Variants in TMPRSS12 observed in about 807,000 individuals in gnomAD.
The protein encoded by TMPRSS12 is transmembrane protease serine 12.
In TMPRSS12, 25 loss-of-function variants were observed where a neutral mutation model predicts 26.0. The observed-to-expected ratio is 0.96, with a 90% confidence interval of 0.70 to 1.34. TMPRSS12 has a LOEUF of 1.34. Ranked by LOEUF, TMPRSS12 falls within the 40% of genes most tolerant of loss-of-function variation. TMPRSS12 has a pLI of 0.00. For missense variants in TMPRSS12, 441 were observed against 440.1 expected, an observed-to-expected ratio of 1.00 and a Z score of -0.02; for synonymous variants, 150 against 161.7, an observed-to-expected ratio of 0.93 and a Z score of 0.55.
In TMPRSS12 at chr12:50,851,271, C is replaced by T. The variant is rs117578679; in HGVS notation, c.383+7234C>T. On this transcript the variant is annotated intron_variant, in intron 2 of 4. Transcript: ENST00000398458. Reference sequence around the variant, plus strand: ...ATGGCAATGAAGATAAACAAGATTCCAGAGAAATCTGAAACCCAATCCAAG... The same window carrying T: ...ATGGCAATGAAGATAAACAAGATTCTAGAGAAATCTGAAACCCAATCCAAG... Among the ~76,000 whole-genome samples, 332 of 152,100 alleles carry T rather than the reference C, an allele frequency of 2.2e-3. 1 individual carries two copies. In the East Asian group the frequency reaches 0.025, roughly 11 times the overall value.
chr12:50,865,658 G>A (rs1395646173), intron 3 of TMPRSS12, among the ~76,000 whole-genome samples: 7 of 149,328 alleles, frequency 4.7e-5, no homozygotes, highest in Non-Finnish European at 8.9e-5. Flanking sequence ...AAAACAAAAC[G>A]TAATCCCCTT....
chr12:50,869,045 T>C (rs548148729), intron 3 of TMPRSS12, among the ~76,000 whole-genome samples: 2 of 151,734 alleles, frequency 1.3e-5, no homozygotes, highest in African/African-American at 2.4e-5. Flanking sequence ...ATCAAAAAGA[T>C]TGAAAGGACA....
In TMPRSS12 at chr12:50,887,735, G is replaced by A; in HGVS notation, c.*222G>A. The A allele has an allele frequency of 2.1e-6, 1 of 472,618 alleles. No individual in the cohort carries two copies. Among genetic ancestry groups the A allele is most frequent in the Admixed American group, 4.0e-5 (1 of 25,126 alleles). 29.3% of individuals were successfully genotyped at this position (472,618 alleles called of 1,614,324 possible). A position where few individuals can be genotyped will look rare whatever the true frequency, so the allele number is the denominator to read the frequency against. On this transcript the variant is annotated 3_prime_UTR_variant, in exon 5 of 5. Coordinates refer to ENST00000398458, the MANE Select transcript of TMPRSS12 (RefSeq NM_182559.3). ...TTGATTATTTTATAATCATAATTCT[G>A]TATCTGGAATACTCATAGAGTTTGT...
At position 50,842,948 on chromosome 12, in the gene TMPRSS12, G is replaced by A. The variant is rs1462286114; in HGVS notation, c.-17G>A. The A allele has an allele frequency of 6.4e-7, 1 of 1,564,070 alleles. No individual in the cohort carries two copies. Among genetic ancestry groups the A allele is most frequent in the African/African-American group, 1.4e-5 (1 of 73,722 alleles). Reference sequence around the variant, plus strand: ...GGTGGGAAGTACCTGCCGCCATCTTGCTCACCAGCCTCCAAAATGCGGCTG... The same window carrying A: ...GGTGGGAAGTACCTGCCGCCATCTTACTCACCAGCCTCCAAAATGCGGCTG... On this transcript the variant is annotated 5_prime_UTR_variant, in exon 1 of 5. Coordinates refer to ENST00000398458, the MANE Select transcript of TMPRSS12 (RefSeq NM_182559.3).
In TMPRSS12 at chr12:50,882,898, C is replaced by T. The variant is rs143240694; in HGVS notation, c.653-2348C>T. On this transcript the variant is annotated intron_variant, in intron 3 of 4. Transcript: ENST00000398458. ...GAATACAAAAGGAAGGAATATACTC[C>T]AGCTCAGTGTATGAAATAATCATAT... 8.7e-4 allele frequency among the ~76,000 whole-genome samples: 133 copies of T among 152,288 alleles called. 1 individual carries two copies. Among genetic ancestry groups the T allele is most frequent in the African/African-American group, 3.1e-3 (130 of 41,574 alleles).
intron 3 of TMPRSS12, among the ~76,000 whole-genome samples, chr12:50,881,961 CAAAAAAAAAAAAAAAAAAAAAAA>C (rs1157663355): frequency 6.8e-4 from 41 of 60,174 alleles, no homozygotes; most frequent in South Asian, 4.5e-3. Context: ...GAGACCACTT[CAAAAAAAAAAAAAAAAAAAAAAA>C]AAAAAAAAAA....
intron 4 of TMPRSS12, chr12:50,886,364 T>A (rs1300176248): frequency 6.6e-6 from 1 of 152,188 alleles, no homozygotes; most frequent in Admixed American, 6.5e-5. Context: ...CCTTTATTCC[T>A]CTTTTCTTCA....
At chr12:50,873,864 G>A (rs933824874) in intron 3 of TMPRSS12, among the ~76,000 whole-genome samples, 2 of 152,120 alleles carry the variant, frequency 1.3e-5, no homozygotes, top group Non-Finnish European at 2.9e-5. Flanking sequence ...GTGGAGGAAA[G>A]GCAGGTATTT....
chr12:50,874,245 C>A (rs913337211), intron 3 of TMPRSS12, among the ~76,000 whole-genome samples: 6 of 152,002 alleles, frequency 3.9e-5, no homozygotes, highest in African/African-American at 1.2e-4. Flanking sequence ...ATTATCCTGA[C>A]ACCAAACCAA....
At chr12:50,856,746 C>T (rs932232459) in intron 2 of TMPRSS12, among the ~76,000 whole-genome samples, 16 of 152,102 alleles carry the variant, frequency 1.1e-4, no homozygotes, top group African/African-American at 3.6e-4. Flanking sequence ...AGTGCAGTGG[C>T]ATAGTCATGG....
At chr12:50,863,203 G>C (rs1167410011) in intron 3 of TMPRSS12, among the ~76,000 whole-genome samples, 1 of 152,016 alleles carries the variant, frequency 6.6e-6, no homozygotes, top group East Asian at 1.9e-4. Context: ...ATGGAAAAAA[G>C]AGAAAGTAGG....
chr12:50,887,509 C>G lies in TMPRSS12; in HGVS notation c.1043C>G (p.Thr348Arg), dbSNP rs201759131. The change falls in exon 5 of 5, where the codon ACA (threonine) becomes AGA (arginine). Residue 348 changes from threonine to arginine, a missense_variant. By Grantham distance (71) the Thr-to-Arg change is moderately conservative (BLOSUM62 -1). Transcript: ENST00000398458. ...ALCFVILLATT is the reference protein window; with the variant it reads ...ALCFVILLATR ...TGTTTTGTCATCTTACTAGCAACAA[C>G]ATAAAGAAATTCTGAAGGCTTTCAT... 36 of 1,609,920 alleles carry G rather than the reference C, an allele frequency of 2.2e-5. No homozygotes were observed. The African/African-American group carries it at 4.4e-4, about 20-fold the overall frequency.
rs749431548 is a variant in TMPRSS12, at chr12:50,887,503, C to T, written c.1037C>T (p.Ala346Val). ...GCTTTATGTTTTGTCATCTTACTAG[C>T]AACAACATAAAGAAATTCTGAAGGC... The part of the protein sequence containing the change: ...LIALCFVILL[A>V]TT Residue 346 changes from alanine to valine, a missense_variant, in exon 5 of 5, where the codon GCA becomes GTA. By Grantham distance (64) the Ala-to-Val change is moderately conservative. Transcript: ENST00000398458. 6.2e-7 allele frequency: 1 copy of T among 1,611,520 alleles called. No homozygotes were observed. Among genetic ancestry groups the T allele is most frequent in the South Asian group, 1.1e-5 (1 of 90,578 alleles).
At chr12:50,858,583 T>C (rs1013098296) in intron 2 of TMPRSS12, among the ~76,000 whole-genome samples, 1 of 152,208 alleles carries the variant, frequency 6.6e-6, no homozygotes, top group Non-Finnish European at 1.5e-5. Flanking sequence ...TGTACTTGAA[T>C]CAGTTTCTGG....
intron 4 of TMPRSS12, chr12:50,886,466 T>C (rs1035470582): frequency 1.3e-5 from 2 of 152,232 alleles, no homozygotes; most frequent in African/African-American, 4.8e-5. Flanking sequence ...AAAGTTTATC[T>C]TTTCTGTGTC....
intron 2 of TMPRSS12, among the ~76,000 whole-genome samples, chr12:50,856,502 A>AT (rs1937878839): frequency 6.6e-6 from 1 of 152,162 alleles, no homozygotes; most frequent in Non-Finnish European, 1.5e-5. Context: ...TATTTGAAGG[A>AT]TATTTGTTTC....
chr12:50,876,445 C>T (rs976045026), intron 3 of TMPRSS12, among the ~76,000 whole-genome samples: 60 of 152,318 alleles, frequency 3.9e-4, no homozygotes, highest in African/African-American at 1.4e-3. Context: ...CGCATGCACT[C>T]CTATGTTCAT....
intron 2 of TMPRSS12, among the ~76,000 whole-genome samples, chr12:50,854,264 C>T (rs1415941638): frequency 6.6e-6 from 1 of 152,138 alleles, no homozygotes; most frequent in Non-Finnish European, 1.5e-5. Flanking sequence ...TTCAACATCT[C>T]TTCATGTTAA....
chr12:50,858,357 T>C (rs1378516028), intron 2 of TMPRSS12, among the ~76,000 whole-genome samples: 1 of 152,218 alleles, frequency 6.6e-6, no homozygotes, highest in African/African-American at 2.4e-5. Flanking sequence ...ACATATCTCT[T>C]TGTGTATCTC....
Sources: gnomAD v4.1 joint callset for allele counts (sites outside exome capture counted in the v4.1 genomes callset) on GRCh38, gnomAD v4.1.1 for gene constraint, MANE v1.5 for transcripts, NCBI Gene and HGNC (gene_info 2026-07-23, HGNC 2026-07-21) for gene names.